DERL3: variants seen among roughly 807,000 people sequenced by gnomAD.
DERL3 encodes derlin 3.
DERL3 carries 20 observed loss-of-function variants against 23.8 expected under a neutral mutation model. The ratio of observed to expected loss-of-function variants is 0.84; its 90% CI spans 0.59 to 1.22. DERL3 has a LOEUF of 1.22. Ranked by LOEUF, DERL3 falls within the 50% of genes most tolerant of loss-of-function variation. The pLI, the probability that DERL3 is intolerant of heterozygous loss-of-function variation, is 0.00. For synonymous variants in DERL3, 145 were observed against 132.5 expected (o/e 1.09, Z -0.65); for missense variants, 319 against 304.1 (o/e 1.05, Z -0.36).
At chr22:23,838,529 C>G (rs2031296429) in intron 3 of DERL3, 35 bp downstream of exon 3, 1 of 1,575,088 alleles carries the variant, frequency 6.3e-7, no homozygotes, top group Admixed American at 1.9e-5. Context: ...CCGGCCTGCC[C>G]TCCACCCAGC....
Position 23,835,215 on chromosome 22 carries a change from CT to C in DERL3, c.*1653del, listed in dbSNP as rs1310370722. The C allele has an allele frequency of 2.4e-6, 3 of 1,249,804 alleles. No homozygotes were observed. The African/African-American group carries it at 4.6e-5, about 19-fold the overall frequency. The allele number at this position is 1,249,804 out of a possible 1,614,324, so 77.4% of individuals were successfully genotyped here. The stretch of plus-strand genomic sequence containing the variant: ...CCTGCCTCCAAGGAGTTCATGTCCC[CT>C]CTGTTCTCATCTGTAATAGGGAGGT... On this transcript the variant is annotated 3_prime_UTR_variant, in exon 7 of 7. Coordinates refer to ENST00000318109, the MANE Select transcript of DERL3 (RefSeq NM_001002862.3).
Position 23,836,769 on chromosome 22 carries a change from A to G in DERL3, c.*100T>C, listed in dbSNP as rs1395758907. ...TCTGTTTATTCAGGTGGGCCCTTGCATGGGCCCAGCCTTTAGGATGGGTTT... is the reference window on the plus strand; with the variant it reads ...TCTGTTTATTCAGGTGGGCCCTTGCGTGGGCCCAGCCTTTAGGATGGGTTT... On this transcript the variant is annotated 3_prime_UTR_variant, in exon 7 of 7. Coordinates refer to ENST00000318109, the MANE Select transcript of DERL3 (RefSeq NM_001002862.3). 5.7e-6 allele frequency: 8 copies of G among 1,395,252 alleles called. No individual in the cohort carries two copies. Among genetic ancestry groups the G allele is most frequent in the Non-Finnish European group, 7.4e-6 (8 of 1,076,312 alleles). 86.4% of individuals were successfully genotyped at this position (1,395,252 alleles called of 1,614,324 possible). A position where few individuals can be genotyped will look rare whatever the true frequency, so the allele number is the denominator to read the frequency against.
chr22:23,834,733 G>C lies in DERL3; in HGVS notation c.*2136C>G, dbSNP rs2030897227. 1 of 1,470,498 alleles carries C rather than the reference G, an allele frequency of 6.8e-7. No individual in the cohort carries two copies. Among genetic ancestry groups the C allele is most frequent in the South Asian group, 1.3e-5 (1 of 74,134 alleles). The allele number at this position is 1,470,498 out of a possible 1,614,324, so 91.1% of individuals were successfully genotyped here. On this transcript the variant is annotated 3_prime_UTR_variant, in exon 7 of 7. Transcript: ENST00000318109. ...CTCCCCTCAGCCTGTTCTCCTTCCA[G>C]ACCCAGAGAGCTGAGAAGAGTAGCT...
At chr22:23,837,243 T>C (rs1269029111) in intron 5 of DERL3, 89 bp from the exon 6 acceptor site, 7 of 1,505,932 alleles carry the variant, frequency 4.6e-6, no homozygotes, top group Non-Finnish European at 5.4e-6. Flanking sequence ...ATCCACAGCC[T>C]GGTGGCCCTG....
intron 3 of DERL3, 30 bp downstream of exon 3, chr22:23,838,534 C>T: frequency 6.3e-7 from 1 of 1,576,408 alleles, no homozygotes; most frequent in Non-Finnish European, 8.6e-7. Flanking sequence ...CTGCCCTCCA[C>T]CCAGCCCGTG....
chr22:23,837,120 C>T lies in DERL3; in HGVS notation c.558G>A (p.Glu186=). ...IAVGHIYYFL[E]DVFPNQPGGK... is the part of the protein sequence containing the mutation. ...CTCCAGGCTGGTTGGGGAAGACGTC[C>T]TCCAGGAAGTAGTAGATATGGCCCA... The change falls in exon 6 of 7, where the codon GAG becomes GAA. Residue 186 remains glutamate (E), a synonymous_variant. Coordinates refer to ENST00000318109, the MANE Select transcript of DERL3 (RefSeq NM_001002862.3). 6.2e-7 allele frequency: 1 copy of T among 1,613,982 alleles called. No individual in the cohort carries two copies. The highest frequency in any genetic ancestry group is 8.5e-7 in the Non-Finnish European group (1 of 1,179,914).
At position 23,839,005 on chromosome 22, in the gene DERL3, G is replaced by C; in HGVS notation, c.-18C>G. On this transcript the variant is annotated 5_prime_UTR_variant, in exon 1 of 7. Coordinates refer to ENST00000318109, the MANE Select transcript of DERL3 (RefSeq NM_001002862.3). Reference sequence around the variant, plus strand: ...CACGCCATTGAACCTTCTCAAGCACGCGTGGCCCAGCCAGCAACGCGCTCT... The same window carrying C: ...CACGCCATTGAACCTTCTCAAGCACCCGTGGCCCAGCCAGCAACGCGCTCT... 1 of 1,546,478 alleles carries C rather than the reference G, an allele frequency of 6.5e-7. No individual in the cohort carries two copies. The highest frequency in any genetic ancestry group is 8.7e-7 in the Non-Finnish European group (1 of 1,144,632).
rs1029122035 is a variant in DERL3, at chr22:23,835,164, G to A, written c.*1705C>T. The stretch of plus-strand genomic sequence containing the variant: ...TGGAGTTGACACGGTACAGGGAGGA[G>A]ACACAGCCCAGGGTCCCTTCCCAGC... On this transcript the variant is annotated 3_prime_UTR_variant, in exon 7 of 7. Coordinates refer to ENST00000318109, the MANE Select transcript of DERL3 (RefSeq NM_001002862.3). 6 of 1,308,396 alleles carry A rather than the reference G, an allele frequency of 4.6e-6. No homozygotes were observed. The highest frequency in any genetic ancestry group is 5.8e-6 in the Non-Finnish European group (6 of 1,031,450). 81.0% of individuals were successfully genotyped at this position (1,308,396 alleles called of 1,614,324 possible).
chr22:23,838,039 C>T, intron 4 of DERL3, 185 bp from the exon 5 acceptor site: 1 of 1,384,144 alleles, frequency 7.2e-7, no homozygotes, highest in Non-Finnish European at 9.6e-7. Context: ...GCCCTGCACA[C>T]CTACAGCCTC....
In DERL3 at chr22:23,836,959, C is replaced by T. The variant is rs1366615781; in HGVS notation, c.618G>A (p.Lys206=). 5 of 1,597,416 alleles carry T rather than the reference C, an allele frequency of 3.1e-6. No homozygotes were observed. The highest frequency in any genetic ancestry group is 4.3e-6 in the Non-Finnish European group (5 of 1,172,404). The change falls in exon 7 of 7, where the codon AAG becomes AAA. Residue 206 remains lysine (K), a synonymous_variant. Transcript: ENST00000318109. ...CTTCTGCAGGGGCATCCAGGAGCAG[C>T]TTTCTGTGGGGAGGGGCCCGTGTTG... ...KRLLQTPGFL[K]LLLDAPAEDP...
chr22:23,834,555 A>G lies in DERL3; in HGVS notation c.*2314T>C. ...ATTTCTTCAAAGTTTTAACATAAAA[A>G]TAATGAGAGCCAGGAGTGGGGCCGG... On this transcript the variant is annotated 3_prime_UTR_variant, in exon 7 of 7. Transcript: ENST00000318109. 1.5e-6 allele frequency: 1 copy of G among 670,814 alleles called. No individual in the cohort carries two copies. The allele number at this position is 670,814 out of a possible 1,614,324, so 41.6% of individuals were successfully genotyped here.
chr22:23,838,005 CG>C, intron 4 of DERL3, 151 bp from the exon 5 acceptor site: 1 of 1,253,728 alleles, frequency 8.0e-7, no homozygotes, highest in Non-Finnish European at 1.1e-6. Flanking sequence ...ACACACTCCA[CG>C]GGCTTCAGGT....
Position 23,836,863 on chromosome 22 carries a change from TG to T in DERL3, c.*5del, listed in dbSNP as rs1408762315. 2 of 1,453,538 alleles carry T rather than the reference TG, an allele frequency of 1.4e-6. No homozygotes were observed. Among genetic ancestry groups the T allele is most frequent in the East Asian group, 2.6e-5 (1 of 39,138 alleles). The allele number at this position is 1,453,538 out of a possible 1,614,324, so 90.0% of individuals were successfully genotyped here. A position where few individuals can be genotyped will look rare whatever the true frequency, so the allele number is the denominator to read the frequency against. Reference sequence around the variant, plus strand: ...GAAGCCTCTTAGGCCTGGCCCTGGGTGGGGGTCACTGCTGCGGGGGTGGCAG... The same window carrying T: ...GAAGCCTCTTAGGCCTGGCCCTGGGTGGGGTCACTGCTGCGGGGGTGGCAG... On this transcript the variant is annotated 3_prime_UTR_variant, in exon 7 of 7. Transcript: ENST00000318109.
In DERL3 at chr22:23,836,705, GGGGA is replaced by G. The variant is rs2031074833; in HGVS notation, c.*160_*163del. ...ATAGAAGGATGTGGCCAGGTGAGAT[GGGGA>G]AGCCAGTGCTGTGGGCCAAGAGACT... On this transcript the variant is annotated 3_prime_UTR_variant, in exon 7 of 7. Transcript: ENST00000318109. The G allele has an allele frequency of 1.5e-6, 2 of 1,330,558 alleles. No individual in the cohort carries two copies. Among genetic ancestry groups the G allele is most frequent in the Admixed American group, 3.8e-5 (1 of 26,440 alleles). 82.4% of individuals were successfully genotyped at this position (1,330,558 alleles called of 1,614,324 possible).
Position 23,835,528 on chromosome 22 carries a change from T to TG in DERL3, c.*1340dup. Reference sequence around the variant, plus strand: ...TGAGAGGAGGGCTCCTTTGAGCACATGTTAGCATGGGACTCTTCCCAGGGA... The same window carrying TG: ...TGAGAGGAGGGCTCCTTTGAGCACATGGTTAGCATGGGACTCTTCCCAGGGA... On this transcript the variant is annotated 3_prime_UTR_variant, in exon 7 of 7. Transcript: ENST00000318109. The TG allele has an allele frequency of 1.0e-6, 1 of 985,548 alleles. No individual in the cohort carries two copies. The highest frequency in any genetic ancestry group is 1.2e-6 in the Non-Finnish European group (1 of 829,976). 61.1% of individuals were successfully genotyped at this position (985,548 alleles called of 1,614,324 possible). A position where few individuals can be genotyped will look rare whatever the true frequency, so the allele number is the denominator to read the frequency against.
At position 23,837,708 on chromosome 22, in the gene DERL3, G is replaced by A. The variant is rs762508872; in HGVS notation, c.474C>T (p.Leu158=). 25 of 1,613,878 alleles carry A rather than the reference G, an allele frequency of 1.5e-5. No homozygotes were observed. Among genetic ancestry groups the A allele is most frequent in the African/African-American group, 1.3e-4 (10 of 74,938 alleles). Residue 158 remains leucine, a synonymous_variant, in exon 5 of 7, where the codon CTC becomes CTT. Transcript: ENST00000318109. ...TFQAPFLPWA[L]MGFSLLLGNS... is the part of the protein sequence containing the mutation. The stretch of plus-strand genomic sequence containing the variant: ...TGCCCAGCAGCAGCGAGAAGCCCAT[G>A]AGCGCCCAAGGCAGGAACGGTGCCT...
rs1330904757 is a variant in DERL3 at position 23,836,881 on chromosome 22, G to GGGT, written c.693_695dup (p.Pro233dup). On this transcript the variant is annotated inframe_insertion, in exon 7 of 7. Transcript: ENST00000318109. ...CCCTGGGTGGGGGTCACTGCTGCGG[G>GGGT]GGTGGCAGATGGGGTCCTGGCTGTT... 6.8e-7 allele frequency: 1 copy of GGGT among 1,476,626 alleles called. No homozygotes were observed. Among genetic ancestry groups the GGGT allele is most frequent in the South Asian group, 1.4e-5 (1 of 70,572 alleles). The allele number at this position is 1,476,626 out of a possible 1,614,324, so 91.5% of individuals were successfully genotyped here. A position where few individuals can be genotyped will look rare whatever the true frequency, so the allele number is the denominator to read the frequency against.
At chr22:23,837,589 C>T (rs907705988) in intron 5 of DERL3, 70 bp downstream of exon 5, 56 of 1,517,506 alleles carry the variant, frequency 3.7e-5, no homozygotes, top group Non-Finnish European at 4.9e-5. Context: ...AGAGGGGCCC[C>T]AGGGCATAAG....
At chr22:23,838,502 C>T in intron 3 of DERL3, 57 bp from the exon 4 acceptor site, 1 of 1,573,538 alleles carries the variant, frequency 6.4e-7, no homozygotes, top group East Asian at 2.4e-5. Context: ...CCCGTCCCGG[C>T]CTCTCTCCCA....
Sources: allele counts gnomAD v4.1 joint callset, GRCh38; gene constraint gnomAD v4.1.1; transcripts MANE v1.5; gene names NCBI Gene and HGNC (gene_info 2026-07-23, HGNC 2026-07-21).